The following ATF2 variants were observed in gnomAD, a reference collection of about 807,000 sequenced individuals.
ATF2 encodes cyclic AMP-dependent transcription factor ATF-2.
A neutral mutation model predicts 60.6 loss-of-function variants in ATF2; 24 were observed. The observed-to-expected ratio is 0.40, with a 90% CI of 0.29 to 0.56. ATF2 has a LOEUF of 0.56. Among genes scored for constraint, ATF2 ranks in the 20% least tolerant of loss-of-function variants. The pLI, the probability that ATF2 is intolerant of heterozygous loss-of-function variation, is 0.54. For synonymous variants in ATF2, 206 were observed against 215.4 expected, an observed-to-expected ratio of 0.96 and a Z score of 0.38; for missense variants, 433 against 607.7, an observed-to-expected ratio of 0.71 and a Z score of 3.02.
At chr2:175,081,367 A>T (rs924660408) in intron 12 of ATF2, among the ~76,000 whole-genome samples, 1 of 152,212 alleles carries the variant, frequency 6.6e-6, no homozygotes, top group Non-Finnish European at 1.5e-5. Flanking sequence ...GTACACATCT[A>T]AATTTAAATC....
intron 2 of ATF2, among the ~76,000 whole-genome samples, chr2:175,142,720 A>AGAGAGAGAGT (rs1491359659): frequency 1.4e-5 from 1 of 71,098 alleles, no homozygotes; most frequent in African/African-American, 4.7e-5. Flanking sequence ...AGAGAGAGAG[A>AGAGAGAGAGT]GTGTGTGTGT....
intron 12 of ATF2, chr2:175,092,631 A>G: frequency 2.3e-6 from 1 of 442,572 alleles, no homozygotes; most frequent in South Asian, 1.8e-5. Context: ...AAATAAAACA[A>G]AACAGAACAA....
intron 4 of ATF2, among the ~76,000 whole-genome samples, chr2:175,129,293 T>C (rs992429264): frequency 6.6e-6 from 1 of 152,046 alleles, no homozygotes; most frequent in African/African-American, 2.4e-5. Context: ...AGACCAGTAA[T>C]TGATGAAGGT....
chr2:175,149,450 A>T (rs1193841355), intron 2 of ATF2, among the ~76,000 whole-genome samples: 2 of 152,238 alleles, frequency 1.3e-5, no homozygotes, highest in African/African-American at 4.8e-5. Context: ...CTAAATCAAG[A>T]GGAGGATTTT....
At chr2:175,097,349 G>A in intron 11 of ATF2, 95 bp downstream of exon 11, 1 of 1,491,186 alleles carries the variant, frequency 6.7e-7, no homozygotes. Flanking sequence ...ATAACAACAT[G>A]ACCAGAGTAA....
intron 1 of ATF2, among the ~76,000 whole-genome samples, chr2:175,157,467 C>T (rs1487648562): frequency 1.3e-5 from 2 of 152,188 alleles, no homozygotes; most frequent in Admixed American, 1.3e-4. Flanking sequence ...GAGGCCATCT[C>T]TACAGGAACC....
chr2:175,157,922 G>T (rs1346550459), intron 1 of ATF2, among the ~76,000 whole-genome samples: 1 of 152,000 alleles, frequency 6.6e-6, no homozygotes, highest in Non-Finnish European at 1.5e-5. Flanking sequence ...AACCCGGGAG[G>T]CAGAGGTTGC....
At chr2:175,131,818 G>A (rs886508782) in intron 3 of ATF2, among the ~76,000 whole-genome samples, 3 of 152,058 alleles carry the variant, frequency 2.0e-5, no homozygotes, top group Admixed American at 2.0e-4. Context: ...GGCTCCCAAA[G>A]AACGTTTTTG....
chr2:175,135,276 T>C (rs1388039967), intron 3 of ATF2, among the ~76,000 whole-genome samples: 6 of 152,118 alleles, frequency 3.9e-5, no homozygotes, highest in African/African-American at 1.4e-4. Flanking sequence ...ATTCACAGAT[T>C]AGTCTTAAAT....
At chr2:175,082,260 G>A (rs997596646) in intron 12 of ATF2, among the ~76,000 whole-genome samples, 21 of 152,202 alleles carry the variant, frequency 1.4e-4, no homozygotes, top group Middle Eastern at 3.4e-3. Flanking sequence ...ACTCTAAACC[G>A]TTAATTAAAA....
At chr2:175,085,343 T>A (rs1694076647) in intron 12 of ATF2, among the ~76,000 whole-genome samples, 1 of 151,926 alleles carries the variant, frequency 6.6e-6, no homozygotes, top group African/African-American at 2.4e-5. Flanking sequence ...AAGACCAGCC[T>A]GGCCAACGTG....
intron 10 of ATF2, among the ~76,000 whole-genome samples, 166 bp from the exon 11 acceptor site, chr2:175,097,759 A>C (rs1695033248): frequency 6.6e-6 from 1 of 152,192 alleles, no homozygotes; most frequent in Admixed American, 6.5e-5. Context: ...AGAAAATAAT[A>C]ATAAAGGCCT....
chr2:175,140,929 T>G (rs1322178900), intron 2 of ATF2, among the ~76,000 whole-genome samples: 1 of 143,338 alleles, frequency 7.0e-6, no homozygotes, highest in Non-Finnish European at 1.5e-5. Flanking sequence ...CCTAGGATTT[T>G]GAGACTGCAG....
At position 175,111,566 on chromosome 2, in the gene ATF2, A is replaced by C; in HGVS notation, c.828+2T>G. On this transcript the variant is annotated splice_donor_variant, in intron 10 of 13. Coordinates refer to ENST00000264110, the MANE Select transcript of ATF2 (RefSeq NM_001880.4). LOFTEE classifies it high-confidence loss of function. ...GTACAGAACAAATAAAATCTGGCTT[A>C]CCATTTTTGCTTCTGACTGTACTGG... 1 of 1,610,790 alleles carries C rather than the reference A, an allele frequency of 6.2e-7. No homozygotes were observed. The highest frequency in any genetic ancestry group is 8.5e-7 in the Non-Finnish European group (1 of 1,177,232).
At chr2:175,164,717 ACTT>A (rs1423859715) in intron 1 of ATF2, among the ~76,000 whole-genome samples, 1 of 152,218 alleles carries the variant, frequency 6.6e-6, no homozygotes, top group Non-Finnish European at 1.5e-5. Flanking sequence ...CTATCCTACT[ACTT>A]CAACATTAAA....
At position 175,162,102 on chromosome 2, in the gene ATF2, C is replaced by T. The variant is rs186154815; in HGVS notation, c.-143+5948G>A. Among the ~76,000 whole-genome samples the T allele has an allele frequency of 1.5e-3, 234 of 152,234 alleles. 3 individuals are homozygous for T. Among genetic ancestry groups the T allele is most frequent in the Non-Finnish European group, 3.2e-4 (22 of 68,004 alleles). On this transcript the variant is annotated intron_variant, in intron 1 of 13. Transcript: ENST00000264110. ...AACTAGCATTAAAATACTCAGTGTA[C>T]AAACCACATAAAACTGCATGAAATC...
chr2:175,146,799 G>GAA (rs111519227), intron 2 of ATF2, among the ~76,000 whole-genome samples: 2 of 151,734 alleles, frequency 1.3e-5, no homozygotes, highest in African/African-American at 4.8e-5. Flanking sequence ...TACTACATAG[G>GAA]AAAAAAAATA....
At chr2:175,096,752 A>C (rs115215661) in intron 11 of ATF2, among the ~76,000 whole-genome samples, 152 of 152,322 alleles carry the variant, frequency 1.0e-3, no homozygotes, top group African/African-American at 3.5e-3. Context: ...ATTCTTTAGA[A>C]ATCTTAGTTT....
chr2:175,108,857 G>A (rs999684651), intron 10 of ATF2, among the ~76,000 whole-genome samples: 2 of 152,190 alleles, frequency 1.3e-5, no homozygotes, highest in African/African-American at 2.4e-5. Context: ...GGATGCTGTT[G>A]ATCTATGACC....
Sources: gnomAD v4.1 joint callset for allele counts (sites outside exome capture counted in the v4.1 genomes callset) on GRCh38, gnomAD v4.1.1 for gene constraint, MANE v1.5 for transcripts, NCBI Gene and HGNC (gene_info 2026-07-23, HGNC 2026-07-21) for gene names.